ADGRV1: variants seen among roughly 807,000 people sequenced by gnomAD.
ADGRV1 encodes G-protein coupled receptor 98.
ADGRV1 carries 359 observed loss-of-function variants against 596.2 expected under a neutral mutation model. That is an observed-to-expected ratio of 0.60 (90% confidence interval 0.55 to 0.66). The LOEUF is 0.66. Among genes scored for constraint, ADGRV1 ranks in the 30% least tolerant of loss-of-function variants. The pLI, the probability that ADGRV1 is intolerant of heterozygous loss-of-function variation, is 0.00. For synonymous variants in ADGRV1, 2,681 were observed against 2,679.2 expected, an observed-to-expected ratio of 1.00 and a Z score of -0.02; for missense variants, 7,274 against 7,575.6, an observed-to-expected ratio of 0.96 and a Z score of 1.48.
At chr5:90,994,315 T>A (rs375543084) in intron 85 of ADGRV1, among the ~76,000 whole-genome samples, 1 of 151,980 alleles carries the variant, frequency 6.6e-6, no homozygotes, top group African/African-American at 2.4e-5. Context: ...TGCCCATCTC[T>A]GCCTCCCAAA....
intron 71 of ADGRV1, chr5:90,804,968 A>G (rs910798718): frequency 2.2e-5 from 4 of 179,046 alleles, no homozygotes; most frequent in African/African-American, 9.4e-5. Context: ...AGACCCATGA[A>G]CAAGTCATAT....
At chr5:90,965,619 G>A in intron 84 of ADGRV1, 88 bp downstream of exon 84, 1 of 677,626 alleles carries the variant, frequency 1.5e-6, no homozygotes, top group South Asian at 2.1e-5. Flanking sequence ...CTGTACTGAA[G>A]TAGAAGTAAT....
intron 85 of ADGRV1, among the ~76,000 whole-genome samples, chr5:91,016,044 A>G (rs551130702): frequency 6.6e-6 from 1 of 152,112 alleles, no homozygotes; most frequent in Non-Finnish European, 1.5e-5. Flanking sequence ...GATCTCTTGT[A>G]AGGCAGGTCT....
intron 87 of ADGRV1, among the ~76,000 whole-genome samples, chr5:91,139,051 G>A (rs1424576705): frequency 2.0e-5 from 3 of 152,162 alleles, no homozygotes; most frequent in African/African-American, 2.4e-5. Flanking sequence ...GATTACAGGC[G>A]TGAGCCACCG....
chr5:90,577,451 C>G (rs1025402567), intron 1 of ADGRV1, among the ~76,000 whole-genome samples: 8 of 152,152 alleles, frequency 5.3e-5, no homozygotes, highest in Non-Finnish European at 8.8e-5. Flanking sequence ...ATTTCTGAGG[C>G]CTCTTTTCTG....
At chr5:91,119,479 A>C (rs1405797053) in intron 87 of ADGRV1, among the ~76,000 whole-genome samples, 1 of 152,142 alleles carries the variant, frequency 6.6e-6, no homozygotes, top group Non-Finnish European at 1.5e-5. Context: ...TGTGTTACCA[A>C]CTTATCGCCT....
chr5:90,662,529 T>C (rs964976268), intron 21 of ADGRV1, among the ~76,000 whole-genome samples: 4 of 152,106 alleles, frequency 2.6e-5, no homozygotes, highest in Non-Finnish European at 5.9e-5. Context: ...TCAGGCGTTA[T>C]GTTATTTCTC....
intron 66 of ADGRV1, 43 bp downstream of exon 66, chr5:90,783,368 T>A (rs773825038): frequency 7.7e-7 from 1 of 1,305,098 alleles, no homozygotes; most frequent in South Asian, 1.2e-5. Context: ...AAGACATAAG[T>A]ATTGTGTTCA....
intron 83 of ADGRV1, among the ~76,000 whole-genome samples, chr5:90,913,614 T>G (rs756030135): frequency 7.2e-5 from 11 of 152,152 alleles, no homozygotes; most frequent in Non-Finnish European, 1.6e-4. Flanking sequence ...TGCAGGAAAT[T>G]TACATTTGAT....
chr5:91,092,165 A>G (rs575704043), intron 86 of ADGRV1, among the ~76,000 whole-genome samples: 4 of 152,286 alleles, frequency 2.6e-5, no homozygotes, highest in East Asian at 1.9e-4. Flanking sequence ...CAATGGTGCA[A>G]TCTTGGCTCA....
At chr5:90,786,069 C>T (rs1759408236) in intron 67 of ADGRV1, among the ~76,000 whole-genome samples, 1 of 151,994 alleles carries the variant, frequency 6.6e-6, no homozygotes, top group African/African-American at 2.4e-5. Context: ...TACTATGCAG[C>T]CATAAAAAGG....
At chr5:90,905,063 T>C (rs1477627869) in intron 83 of ADGRV1, among the ~76,000 whole-genome samples, 1 of 152,088 alleles carries the variant, frequency 6.6e-6, no homozygotes, top group Non-Finnish European at 1.5e-5. Context: ...TGTGGATTTG[T>C]TTCTGGCCTC....
At chr5:90,771,063 G>A (rs1397813729) in intron 59 of ADGRV1, among the ~76,000 whole-genome samples, 5 of 152,084 alleles carry the variant, frequency 3.3e-5, no homozygotes, top group Non-Finnish European at 7.4e-5. Flanking sequence ...TTCTTCATGA[G>A]CACTGTTTTA....
intron 86 of ADGRV1, among the ~76,000 whole-genome samples, chr5:91,097,195 G>A (rs1790950173): frequency 6.6e-6 from 1 of 152,078 alleles, no homozygotes. Flanking sequence ...GTCTGGCAAG[G>A]GCCCAGATTT....
chr5:90,751,416 T>C (rs1463375417), intron 53 of ADGRV1, among the ~76,000 whole-genome samples: 1 of 152,136 alleles, frequency 6.6e-6, no homozygotes, highest in African/African-American at 2.4e-5. Flanking sequence ...TGATTCCCAA[T>C]GAGGAGCACA....
intron 62 of ADGRV1, 48 bp downstream of exon 62, chr5:90,778,091 G>T (rs778384494): frequency 3.3e-6 from 5 of 1,527,364 alleles, no homozygotes; most frequent in Non-Finnish European, 4.4e-6. Flanking sequence ...CTCTGTGCTG[G>T]TGTGTGCACA....
chr5:90,666,879 T>C (rs1196493794), intron 21 of ADGRV1, among the ~76,000 whole-genome samples: 2 of 151,536 alleles, frequency 1.3e-5, no homozygotes, highest in East Asian at 3.9e-4. Flanking sequence ...AAGCTTAGTT[T>C]GGCTGGATAT....
intron 1 of ADGRV1, among the ~76,000 whole-genome samples, chr5:90,567,759 A>C (rs1200689098): frequency 6.7e-6 from 1 of 149,618 alleles, no homozygotes; most frequent in Admixed American, 6.6e-5. Context: ...TTTTTGACAG[A>C]ATCTTGGTCT....
intron 7 of ADGRV1, 130 bp downstream of exon 7, chr5:90,627,906 A>G: frequency 2.1e-6 from 1 of 468,300 alleles, no homozygotes; most frequent in East Asian, 3.5e-5. Flanking sequence ...TTTCATGACA[A>G]ACTCAGAAAA....
Sources: gnomAD v4.1 joint callset for allele counts (sites outside exome capture counted in the v4.1 genomes callset) on GRCh38, gnomAD v4.1.1 for gene constraint, MANE v1.5 for transcripts, NCBI Gene and HGNC (gene_info 2026-07-23, HGNC 2026-07-21) for gene names.